SPTLC2: variants seen among roughly 807,000 people sequenced by gnomAD.
SPTLC2 encodes the protein serine palmitoyltransferase 2.
In SPTLC2, 21 loss-of-function variants were observed where a neutral mutation model predicts 62.0. The observed-to-expected ratio is 0.34, with a 90% confidence interval of 0.24 to 0.49. SPTLC2 has a LOEUF of 0.49. SPTLC2 is among the 20% of genes least tolerant of loss of function. The pLI is 0.99. For synonymous variants in SPTLC2, 261 were observed against 261.8 expected (o/e 1.00, Z 0.03); for missense variants, 511 against 713.0 (o/e 0.72, Z 3.23).
chr14:77,541,190 G>A (rs1400893266), intron 9 of SPTLC2, among the ~76,000 whole-genome samples: 1 of 150,798 alleles, frequency 6.6e-6, no homozygotes, highest in African/African-American at 2.5e-5. Context: ...CACCATGCCT[G>A]GGTAATTTTT....
At chr14:77,589,659 A>C (rs1161876015) in intron 2 of SPTLC2, among the ~76,000 whole-genome samples, 1 of 151,952 alleles carries the variant, frequency 6.6e-6, no homozygotes, top group Non-Finnish European at 1.5e-5. Flanking sequence ...GTGTTATGGC[A>C]GATGCCTGTA....
chr14:77,552,277 T>C (rs373851017), intron 8 of SPTLC2, 55 bp from the exon 9 acceptor site: 2 of 1,603,380 alleles, frequency 1.2e-6, no homozygotes, highest in Non-Finnish European at 1.7e-6. Context: ...TCACCGGCAA[T>C]GTCAGTCCTT....
intron 2 of SPTLC2, among the ~76,000 whole-genome samples, chr14:77,580,494 G>C (rs1465933923): frequency 7.6e-6 from 1 of 132,358 alleles, no homozygotes; most frequent in Non-Finnish European, 1.7e-5. Flanking sequence ...AAAAAAAAAT[G>C]GTTATAGGAA....
chr14:77,528,838 T>C (rs1338571608), intron 9 of SPTLC2, among the ~76,000 whole-genome samples: 1 of 152,154 alleles, frequency 6.6e-6, no homozygotes, highest in Non-Finnish European at 1.5e-5. Flanking sequence ...TTTTGTTATT[T>C]TTTGTTTGTT....
intron 9 of SPTLC2, among the ~76,000 whole-genome samples, chr14:77,548,601 C>G (rs1668739304): frequency 6.6e-6 from 1 of 152,184 alleles, no homozygotes; most frequent in South Asian, 2.1e-4. Context: ...CTGGCCTGTG[C>G]TCAGTATTCC....
chr14:77,530,989 C>T lies in SPTLC2; in HGVS notation c.1304-9408G>A, dbSNP rs149320916. Among the ~76,000 whole-genome samples, 660 of 152,346 alleles carry T rather than the reference C, an allele frequency of 4.3e-3. 6 individuals carry two copies. Among genetic ancestry groups the T allele is most frequent in the African/African-American group, 0.015 (620 of 41,580 alleles). Reference sequence around the variant, plus strand: ...GTGAATTCTTCCCTAACACCGCCTCCGCCACATCACACTGCTTCTCCTTCA... The same window carrying T: ...GTGAATTCTTCCCTAACACCGCCTCTGCCACATCACACTGCTTCTCCTTCA... On this transcript the variant is annotated intron_variant, in intron 9 of 11. Coordinates refer to ENST00000216484, the MANE Select transcript of SPTLC2 (RefSeq NM_004863.4).
intron 5 of SPTLC2, among the ~76,000 whole-genome samples, chr14:77,564,251 A>AAAGGAGGAGG (rs1183067072): frequency 6.8e-6 from 1 of 147,838 alleles, no homozygotes; most frequent in Admixed American, 6.8e-5. Flanking sequence ...AAAAAAAAAA[A>AAAGGAGGAGG]AGGAGGAGGA....
chr14:77,567,337 G>C (rs1015566817), intron 5 of SPTLC2, among the ~76,000 whole-genome samples: 6 of 152,228 alleles, frequency 3.9e-5, no homozygotes, highest in Admixed American at 1.3e-4. Flanking sequence ...GATAGAGCTT[G>C]TAAGCATACA....
intron 1 of SPTLC2, among the ~76,000 whole-genome samples, chr14:77,598,055 G>GC (rs1180799075): frequency 6.8e-6 from 1 of 147,886 alleles, no homozygotes; most frequent in Non-Finnish European, 1.5e-5. Flanking sequence ...CTTGGAGATG[G>GC]AAGTTGTGGG....
chr14:77,597,604 T>C (rs965111161), intron 1 of SPTLC2, among the ~76,000 whole-genome samples: 1 of 147,440 alleles, frequency 6.8e-6, no homozygotes, highest in Non-Finnish European at 1.5e-5. Context: ...GTGAAACCTG[T>C]CTCTACTAAA....
At chr14:77,534,975 G>A (rs537718544) in intron 9 of SPTLC2, among the ~76,000 whole-genome samples, 3 of 151,978 alleles carry the variant, frequency 2.0e-5, no homozygotes, top group African/African-American at 4.8e-5. Flanking sequence ...TTGCCCAGGC[G>A]GAGTGCAATG....
chr14:77,596,183 A>C (rs534843477), intron 2 of SPTLC2, among the ~76,000 whole-genome samples: 104 of 152,182 alleles, frequency 6.8e-4, no homozygotes, highest in African/African-American at 2.3e-3. Context: ...TAAAAACACA[A>C]AAAAAATTAG....
At chr14:77,589,473 T>G (rs953813569) in intron 2 of SPTLC2, among the ~76,000 whole-genome samples, 4 of 121,570 alleles carry the variant, frequency 3.3e-5, no homozygotes, top group African/African-American at 1.2e-4. Context: ...ATACCATTCA[T>G]ATCTTAAACT....
Position 77,518,230 on chromosome 14 carries a change from C to T in SPTLC2, c.1440-63G>A, listed in dbSNP as rs926114. 0.99 allele frequency: 1,596,356 copies of T among 1,609,198 alleles called. 792,691 individuals carry two copies. Among genetic ancestry groups the T allele is most frequent in the East Asian group, 1 (44,603 of 44,604 alleles). On this transcript the variant is annotated intron_variant, in intron 10 of 11. Coordinates refer to ENST00000216484, the MANE Select transcript of SPTLC2 (RefSeq NM_004863.4). ...TGAAAAAGCACTCATTACAGAGGAC[C>T]TGCTGTCCTCAAAGATTTCAACTCT...
At chr14:77,516,013 C>T (rs1396248704) in intron 11 of SPTLC2, among the ~76,000 whole-genome samples, 25 of 22,972 alleles carry the variant, frequency 1.1e-3, no homozygotes, top group African/African-American at 1.5e-3. Flanking sequence ...TGTGCGCGCG[C>T]GCGCATGTGT....
chr14:77,589,776 C>T (rs551327818), intron 2 of SPTLC2, among the ~76,000 whole-genome samples: 3 of 142,892 alleles, frequency 2.1e-5, no homozygotes, highest in Admixed American at 1.5e-4. Context: ...GGCGACAGAG[C>T]GAGAGTCCGT....
At chr14:77,566,650 CG>C (rs1378031084) in intron 5 of SPTLC2, among the ~76,000 whole-genome samples, 2 of 152,084 alleles carry the variant, frequency 1.3e-5, no homozygotes, top group Non-Finnish European at 2.9e-5. Flanking sequence ...TTAGTAGAGA[CG>C]GGGTTTCACC....
chr14:77,528,601 A>G (rs1026950484), intron 9 of SPTLC2, among the ~76,000 whole-genome samples: 1 of 152,172 alleles, frequency 6.6e-6, no homozygotes, highest in Non-Finnish European at 1.5e-5. Flanking sequence ...AGGGTCCCTC[A>G]AATAGATAGC....
At chr14:77,533,111 A>T (rs1285932624) in intron 9 of SPTLC2, among the ~76,000 whole-genome samples, 4 of 152,088 alleles carry the variant, frequency 2.6e-5, no homozygotes, top group South Asian at 2.1e-4. Flanking sequence ...CAGCTTGACC[A>T]ACATGGTGAA....
Sources: gnomAD v4.1 joint callset for allele counts (sites outside exome capture counted in the v4.1 genomes callset) on GRCh38, gnomAD v4.1.1 for gene constraint, MANE v1.5 for transcripts, NCBI Gene and HGNC (gene_info 2026-07-23, HGNC 2026-07-21) for gene names.